The following NXPE4 variants were observed in gnomAD, a reference collection of about 807,000 sequenced individuals.
NXPE4 encodes NXPE family member 4.
In NXPE4, 42 loss-of-function variants were observed where a neutral mutation model predicts 33.3. That is an observed-to-expected ratio of 1.26 (90% confidence interval 0.98 to 1.63). NXPE4 has a LOEUF of 1.63. Ranked by LOEUF, NXPE4 falls within the 40% of genes most tolerant of loss-of-function variation. NXPE4 has a pLI of 0.00. For missense variants in NXPE4, 709 were observed against 647.6 expected (o/e 1.09, Z -1.03); for synonymous variants, 253 against 234.9 (o/e 1.08, Z -0.71).
chr11:114,663,678 T>TATC, the NXPE4 span, among the ~76,000 whole-genome samples: 44 of 146,058 alleles, frequency 3.0e-4, no homozygotes, highest in East Asian at 8.1e-4. Context: ...ATCTATCTAT[T>TATC]TATCTATCTA....
chr11:114,629,423 A>T, the NXPE4 span, among the ~76,000 whole-genome samples: 1 of 151,876 alleles, frequency 6.6e-6, no homozygotes, highest in Non-Finnish European at 1.5e-5. Context: ...CAAAAACCAC[A>T]TGATTATCTC....
chr11:114,596,758 C>T (rs1461747334), upstream of NXPE4, among the ~76,000 whole-genome samples: 2 of 152,156 alleles, frequency 1.3e-5, no homozygotes, highest in East Asian at 3.8e-4. Flanking sequence ...ATGCCAGCAA[C>T]CACCCAAGTT....
chr11:114,580,486 G>T (rs932759908), intron 4 of NXPE4, 148 bp from the exon 5 acceptor site: 22 of 641,936 alleles, frequency 3.4e-5, no homozygotes, highest in African/African-American at 2.6e-4. Context: ...TCTCTTAATG[G>T]AACAGCTGTT....
the NXPE4 span, among the ~76,000 whole-genome samples, chr11:114,667,678 G>A: frequency 8.9e-4 from 135 of 152,194 alleles, no homozygotes; most frequent in African/African-American, 3.1e-3. Context: ...GGAAAGTGGC[G>A]AAGAACTGAG....
the NXPE4 span, among the ~76,000 whole-genome samples, chr11:114,650,569 G>A: frequency 6.6e-6 from 1 of 151,594 alleles, no homozygotes; most frequent in Non-Finnish European, 1.5e-5. Context: ...TCCCCAGGAA[G>A]TGAGAAAAAA....
intron 5 of NXPE4, among the ~76,000 whole-genome samples, chr11:114,577,161 C>CATAT (rs373459330): frequency 0.14 from 18,537 of 134,428 alleles, 1,422 homozygotes; most frequent in South Asian, 0.2. Context: ...ATATATGTGT[C>CATAT]ATATATATAT....
rs1482095482 is a variant in NXPE4, at chr11:114,583,048, G to A, written c.97-27C>T. On this transcript the variant is annotated intron_variant, in intron 2 of 5. Transcript: ENST00000375478. Reference sequence around the variant, plus strand: ...TGAAATGACAGCAAATGTGACATGAGATGGATAAATTTAGAGCATATCTGA... The same window carrying A: ...TGAAATGACAGCAAATGTGACATGAAATGGATAAATTTAGAGCATATCTGA... The A allele has an allele frequency of 3.8e-6, 6 of 1,581,704 alleles. No homozygotes were observed. The African/African-American group carries it at 5.4e-5, about 14-fold the overall frequency.
At chr11:114,638,916 T>C in the NXPE4 span, among the ~76,000 whole-genome samples, 2 of 151,510 alleles carry the variant, frequency 1.3e-5, no homozygotes, top group Non-Finnish European at 2.9e-5. Flanking sequence ...GGGTCAGGGG[T>C]CAGGGACCCA....
chr11:114,610,346 A>T, the NXPE4 span, among the ~76,000 whole-genome samples: 7,416 of 149,964 alleles, frequency 0.049, 610 homozygotes, highest in African/African-American at 0.17. Context: ...TGGCCTCATG[A>T]GTAACCACTG....
chr11:114,623,839 GATA>G, the NXPE4 span, among the ~76,000 whole-genome samples: 1 of 152,096 alleles, frequency 6.6e-6, no homozygotes, highest in African/African-American at 2.4e-5. Context: ...TTACCTGGTG[GATA>G]ATAAGTGTTG....
the NXPE4 span, among the ~76,000 whole-genome samples, chr11:114,610,234 G>C: frequency 6.6e-6 from 1 of 151,830 alleles, no homozygotes. Flanking sequence ...GTGTTGCCTC[G>C]TGGTTAACCA....
intron 2 of NXPE4, chr11:114,583,255 G>T: frequency 1.5e-6 from 1 of 666,006 alleles, no homozygotes; most frequent in South Asian, 1.7e-5. Flanking sequence ...TGAGCAAGAT[G>T]GCGCAAAGGC....
chr11:114,652,736 G>A, the NXPE4 span, among the ~76,000 whole-genome samples: 1 of 144,212 alleles, frequency 6.9e-6, no homozygotes, highest in Non-Finnish European at 1.5e-5. Context: ...GAGTGATAGA[G>A]CACAGTCAAG....
At chr11:114,663,576 C>CTA in the NXPE4 span, among the ~76,000 whole-genome samples, 1 of 138,630 alleles carries the variant, frequency 7.2e-6, no homozygotes, top group Non-Finnish European at 1.6e-5. Context: ...TATCTATCAT[C>CTA]TCTATCTATC....
At chr11:114,605,566 C>T in the NXPE4 span, among the ~76,000 whole-genome samples, 1 of 151,644 alleles carries the variant, frequency 6.6e-6, no homozygotes, top group Non-Finnish European at 1.5e-5. Context: ...CCACTGTTAC[C>T]CGGTGGATAA....
chr11:114,609,825 C>T, the NXPE4 span, among the ~76,000 whole-genome samples: 1 of 151,622 alleles, frequency 6.6e-6, no homozygotes, highest in Admixed American at 6.6e-5. Context: ...GGTGGATTAC[C>T]ATGGTAACCC....
the NXPE4 span, among the ~76,000 whole-genome samples, chr11:114,605,681 A>T: frequency 6.6e-6 from 1 of 151,754 alleles, no homozygotes; most frequent in Non-Finnish European, 1.5e-5. Context: ...CTCATGTGTA[A>T]CCATTGTTAC....
chr11:114,650,868 AAAC>A, the NXPE4 span, among the ~76,000 whole-genome samples: 1 of 152,060 alleles, frequency 6.6e-6, no homozygotes, highest in African/African-American at 2.4e-5. Flanking sequence ...CTACCCCAAG[AAAC>A]AACAGTAAAA....
chr11:114,661,999 C>G, the NXPE4 span, among the ~76,000 whole-genome samples: 2 of 152,100 alleles, frequency 1.3e-5, no homozygotes, highest in African/African-American at 2.4e-5. Flanking sequence ...ATAGAAGGCT[C>G]CACCAATCAC....
Sources: allele counts gnomAD v4.1 joint callset (sites outside exome capture counted in the v4.1 genomes callset), GRCh38; gene constraint gnomAD v4.1.1; transcripts MANE v1.5; gene names NCBI Gene and HGNC (gene_info 2026-07-23, HGNC 2026-07-21).